HS6ST3: variants seen among roughly 807,000 people sequenced by gnomAD.
The protein encoded by HS6ST3 is heparan-sulfate 6-O-sulfotransferase 3.
Under a neutral mutation model 36.7 loss-of-function variants are expected in HS6ST3, and 12 were observed. That is an observed-to-expected ratio of 0.33 (90% CI 0.21 to 0.53). The LOEUF (loss-of-function observed/expected upper bound fraction) is 0.53, where lower values mean the gene tolerates loss of function less well. Among genes scored for constraint, HS6ST3 ranks in the 20% least tolerant of loss-of-function variants. The pLI is 0.95. For missense variants in HS6ST3, 584 were observed against 640.9 expected, an observed-to-expected ratio of 0.91 and a Z score of 0.96; for synonymous variants, 240 against 257.5, an observed-to-expected ratio of 0.93 and a Z score of 0.65.
At chr13:96,445,022 T>C (rs2055691479) in intron 1 of HS6ST3, among the ~76,000 whole-genome samples, 5 of 152,028 alleles carry the variant, frequency 3.3e-5, no homozygotes, top group Admixed American at 3.3e-4. Context: ...AAAATGGGGG[T>C]ATCAAATGTA....
chr13:96,837,601 C>T lies in HS6ST3; in HGVS notation c.*4403C>T, dbSNP rs762653757. Reference sequence around the variant, plus strand: ...TTACCTTTTTTGACATGGAAAATGCCAAAGACACTGGTCAAGTTTACTCTC... The same window carrying T: ...TTACCTTTTTTGACATGGAAAATGCTAAAGACACTGGTCAAGTTTACTCTC... On this transcript the variant is annotated 3_prime_UTR_variant, in exon 2 of 2. Transcript: ENST00000376705. 1.3e-5 allele frequency: 2 copies of T among 152,018 alleles called. No individual in the cohort carries two copies. The highest frequency in any genetic ancestry group is 6.6e-5 in the Admixed American group (1 of 15,258). The allele number at this position is 152,018 out of a possible 1,614,324, so 9.4% of individuals were successfully genotyped here. A position where few individuals can be genotyped will look rare whatever the true frequency, so the allele number is the denominator to read the frequency against.
intron 1 of HS6ST3, among the ~76,000 whole-genome samples, chr13:96,201,650 T>C (rs551417924): frequency 1.3e-5 from 2 of 152,306 alleles, no homozygotes; most frequent in South Asian, 4.1e-4. Flanking sequence ...TTCTAAAGAA[T>C]GAGCTGAAGA....
chr13:96,525,552 AC>A (rs941996810), intron 1 of HS6ST3, among the ~76,000 whole-genome samples: 56 of 152,298 alleles, frequency 3.7e-4, no homozygotes, highest in African/African-American at 1.3e-3. Flanking sequence ...TGTTACACAC[AC>A]ACACACACGC....
intron 1 of HS6ST3, among the ~76,000 whole-genome samples, 166 bp downstream of exon 1, chr13:96,091,735 GC>G (rs1258012474): frequency 6.6e-6 from 1 of 151,958 alleles, no homozygotes; most frequent in African/African-American, 2.4e-5. Flanking sequence ...TCCGGATAGT[GC>G]CTAGGTCCTG....
intron 1 of HS6ST3, among the ~76,000 whole-genome samples, chr13:96,593,253 G>A (rs2056389969): frequency 9.0e-6 from 1 of 111,580 alleles, no homozygotes; most frequent in Admixed American, 1.4e-4. Context: ...GTGTGATCTT[G>A]GTTCACTGCA....
intron 1 of HS6ST3, among the ~76,000 whole-genome samples, chr13:96,611,178 A>G (rs1324285742): frequency 1.3e-5 from 2 of 150,876 alleles, no homozygotes; most frequent in Non-Finnish European, 3.0e-5. Flanking sequence ...GTACATGTGC[A>G]CAATGTGCAG....
chr13:96,392,916 T>A (rs1356314347), intron 1 of HS6ST3, among the ~76,000 whole-genome samples: 3 of 152,196 alleles, frequency 2.0e-5, no homozygotes, highest in Non-Finnish European at 4.4e-5. Flanking sequence ...TGATATGGTT[T>A]GGCTCTGTCC....
chr13:96,449,331 T>G (rs928295467), intron 1 of HS6ST3, among the ~76,000 whole-genome samples: 4 of 152,248 alleles, frequency 2.6e-5, no homozygotes, highest in South Asian at 2.1e-4. Flanking sequence ...TCTCTCCCCT[T>G]CCACTCCAGG....
At chr13:96,439,744 C>T (rs1224155769) in intron 1 of HS6ST3, among the ~76,000 whole-genome samples, 1 of 152,164 alleles carries the variant, frequency 6.6e-6, no homozygotes, top group Non-Finnish European at 1.5e-5. Context: ...AGTGCTAACG[C>T]AGTACATGTC....
chr13:96,180,692 T>C (rs527276486), intron 1 of HS6ST3, among the ~76,000 whole-genome samples: 12 of 152,332 alleles, frequency 7.9e-5, no homozygotes, highest in African/African-American at 2.2e-4. Flanking sequence ...CTTATTTAGT[T>C]CTCACAACAA....
intron 1 of HS6ST3, among the ~76,000 whole-genome samples, chr13:96,264,117 A>T (rs1270315273): frequency 2.6e-5 from 4 of 152,226 alleles, no homozygotes; most frequent in Non-Finnish European, 5.9e-5. Context: ...TCATGCCTGG[A>T]AAACAAACTC....
chr13:96,620,449 A>T (rs2056490208), intron 1 of HS6ST3, among the ~76,000 whole-genome samples: 1 of 152,180 alleles, frequency 6.6e-6, no homozygotes, highest in African/African-American at 2.4e-5. Context: ...GCACTTACAC[A>T]AGTACCCTGG....
chr13:96,534,955 G>A (rs926696786), intron 1 of HS6ST3, among the ~76,000 whole-genome samples: 29 of 152,176 alleles, frequency 1.9e-4, no homozygotes, highest in South Asian at 8.3e-4. Flanking sequence ...GCAAGACTCC[G>A]TCTGAAAAAC....
At chr13:96,255,219 A>G (rs182978999) in intron 1 of HS6ST3, among the ~76,000 whole-genome samples, 6 of 152,320 alleles carry the variant, frequency 3.9e-5, no homozygotes, top group South Asian at 4.1e-4. Flanking sequence ...GACGTCCCCT[A>G]TCTGCTACAG....
chr13:96,614,480 T>TAGG (rs1357910846), intron 1 of HS6ST3, among the ~76,000 whole-genome samples: 3 of 151,766 alleles, frequency 2.0e-5, no homozygotes, highest in Non-Finnish European at 2.9e-5. Context: ...AAGAGCAAAA[T>TAGG]AGGGCCAAGG....
intron 1 of HS6ST3, among the ~76,000 whole-genome samples, chr13:96,439,717 G>T (rs1183198837): frequency 1.3e-5 from 2 of 152,346 alleles, no homozygotes; most frequent in East Asian, 3.9e-4. Context: ...CTCAGAATAG[G>T]TGTGAATGTG....
At chr13:96,295,217 C>T (rs2054849162) in intron 1 of HS6ST3, among the ~76,000 whole-genome samples, 1 of 152,074 alleles carries the variant, frequency 6.6e-6, no homozygotes, top group African/African-American at 2.4e-5. Flanking sequence ...TGAAACCTTA[C>T]AGATTTGCTG....
intron 1 of HS6ST3, among the ~76,000 whole-genome samples, chr13:96,160,311 A>G (rs2054129828): frequency 6.6e-6 from 1 of 152,212 alleles, no homozygotes; most frequent in African/African-American, 2.4e-5. Flanking sequence ...AGAAATCATT[A>G]TGCTGTTCTG....
At chr13:96,193,422 T>A (rs2054298080) in intron 1 of HS6ST3, among the ~76,000 whole-genome samples, 1 of 151,844 alleles carries the variant, frequency 6.6e-6, no homozygotes, top group Admixed American at 6.6e-5. Context: ...AAGAAGTGGT[T>A]GAGTAAAGGC....
Sources: gnomAD v4.1 joint callset for allele counts (sites outside exome capture counted in the v4.1 genomes callset) on GRCh38, gnomAD v4.1.1 for gene constraint, MANE v1.5 for transcripts, NCBI Gene and HGNC (gene_info 2026-07-23, HGNC 2026-07-21) for gene names.